The following RCN3 variants were observed in gnomAD, a reference collection of about 807,000 sequenced individuals.
The protein encoded by RCN3 is reticulocalbin 3.
Under a neutral mutation model 35.9 loss-of-function variants are expected in RCN3, and 41 were observed. That is an observed-to-expected ratio of 1.14 (90% CI 0.89 to 1.48). The LOEUF is 1.48. RCN3 is among the 40% of genes most tolerant of loss of function. RCN3 has a pLI of 0.00. For synonymous variants in RCN3, 187 were observed against 193.4 expected, an observed-to-expected ratio of 0.97 and a Z score of 0.27; for missense variants, 451 against 471.3, an observed-to-expected ratio of 0.96 and a Z score of 0.40.
At chr19:49,540,774 C>T (rs997619620) in intron 5 of RCN3, among the ~76,000 whole-genome samples, 4 of 151,672 alleles carry the variant, frequency 2.6e-5, no homozygotes, top group Non-Finnish European at 4.4e-5. Flanking sequence ...AGTGCGGCCT[C>T]TGGAGATACT....
At position 49,542,691 on chromosome 19, in the gene RCN3, C is replaced by T. The variant is rs982451683; in HGVS notation, c.818C>T (p.Pro273Leu). 2.5e-6 allele frequency: 4 copies of T among 1,597,100 alleles called. No homozygotes were observed. Among genetic ancestry groups the T allele is most frequent in the Admixed American group, 1.8e-5 (1 of 56,018 alleles). ...GAGGTGGGCCACTGGGTGCTGCCCCCTGCCCAGGACCAGCCCCTGGTGGAA... is the reference window on the plus strand; with the variant it reads ...GAGGTGGGCCACTGGGTGCTGCCCCTTGCCCAGGACCAGCCCCTGGTGGAA... ...GSEVGHWVLP[P>L]AQDQPLVEAN... Residue 273 changes from proline to leucine, a missense_variant, in exon 6 of 7, where the codon CCT becomes CTT. Pro to Leu is a moderately conservative substitution (Grantham distance 98). Coordinates refer to ENST00000270645, the MANE Select transcript of RCN3 (RefSeq NM_020650.3).
chr19:49,536,168 T>A (rs1311371639), intron 3 of RCN3, among the ~76,000 whole-genome samples: 1 of 150,848 alleles, frequency 6.6e-6, no homozygotes, highest in Non-Finnish European at 1.5e-5. Flanking sequence ...GTATTTTTAG[T>A]AGAGATGGGG....
intron 5 of RCN3, among the ~76,000 whole-genome samples, chr19:49,542,091 G>T (rs996215538): frequency 6.6e-6 from 1 of 151,966 alleles, no homozygotes; most frequent in African/African-American, 2.4e-5. Context: ...TAGAAACAGG[G>T]TCTTGCTATG....
intron 5 of RCN3, among the ~76,000 whole-genome samples, chr19:49,542,215 C>T (rs2122742756): frequency 6.6e-6 from 1 of 152,268 alleles, no homozygotes; most frequent in South Asian, 2.1e-4. Context: ...GCTAACTGGC[C>T]AGAAACATCC....
chr19:49,543,235 C>T lies in RCN3; in HGVS notation c.*22C>T. 4 of 1,579,504 alleles carry T rather than the reference C, an allele frequency of 2.5e-6. No individual in the cohort carries two copies. Reference sequence around the variant, plus strand: ...GTGAGCACCGCGCACCTGCCACAGCCTCAGAGGCCCGCACAATGACCGGAG... The same window carrying T: ...GTGAGCACCGCGCACCTGCCACAGCTTCAGAGGCCCGCACAATGACCGGAG... On this transcript the variant is annotated 3_prime_UTR_variant, in exon 7 of 7. Transcript: ENST00000270645.
At position 49,542,687 on chromosome 19, in the gene RCN3, C is replaced by G; in HGVS notation, c.814C>G (p.Pro272Ala). 1 of 1,597,092 alleles carries G rather than the reference C, an allele frequency of 6.3e-7. No homozygotes were observed. Among genetic ancestry groups the G allele is most frequent in the South Asian group, 1.1e-5 (1 of 87,800 alleles). ...GAGTGAGGTGGGCCACTGGGTGCTG[C>G]CCCCTGCCCAGGACCAGCCCCTGGT... ...DGSEVGHWVL[P>A]PAQDQPLVEA... Residue 272 changes from proline to alanine, a missense_variant, in exon 6 of 7, where the codon CCC becomes GCC. Coordinates refer to ENST00000270645, the MANE Select transcript of RCN3 (RefSeq NM_020650.3).
chr19:49,529,183 A>AAACTTC lies in RCN3; in HGVS notation c.242+472_242+473insTTCAAC, dbSNP rs113318814. On this transcript the variant is annotated intron_variant, in intron 2 of 6. Coordinates refer to ENST00000270645, the MANE Select transcript of RCN3 (RefSeq NM_020650.3). Reference sequence around the variant, plus strand: ...GCGACAAAGTGAGACTCCGTCTAAAAAACAACAACAACAATAAAAAAGAGG... The same window carrying AAACTTC: ...GCGACAAAGTGAGACTCCGTCTAAAAAACTTCAACAACAACAACAATAAAAAAGAGG... Among the ~76,000 whole-genome samples the AAACTTC allele has an allele frequency of 5.2e-3, 786 of 152,004 alleles. 13 individuals are homozygous for AAACTTC. Among genetic ancestry groups the AAACTTC allele is most frequent in the African/African-American group, 0.018 (749 of 41,434 alleles).
chr19:49,542,573 C>T lies in RCN3; in HGVS notation c.700C>T (p.Pro234Ser), dbSNP rs1209328628. Residue 234 changes from proline (P) to serine (S), a missense_variant, in exon 6 of 7, where the codon CCT becomes TCT. Transcript: ENST00000270645. ...CCCAGCGGATCTGTACTCAGCCGAG[C>T]CTGGGGAGGAGGAGCCGGCGTGGGT... is the stretch of plus-strand genomic sequence containing the variant. ...EYIADLYSAE[P>S]GEEEPAWVQT... The T allele has an allele frequency of 6.2e-7, 1 of 1,604,044 alleles. No individual in the cohort carries two copies. The highest frequency in any genetic ancestry group is 8.5e-7 in the Non-Finnish European group (1 of 1,175,994).
Sources: gnomAD v4.1 joint callset for allele counts (sites outside exome capture counted in the v4.1 genomes callset) on GRCh38, gnomAD v4.1.1 for gene constraint, MANE v1.5 for transcripts, NCBI Gene and HGNC (gene_info 2026-07-23, HGNC 2026-07-21) for gene names.